The following CRISP1 variants were observed in gnomAD, a reference collection of about 807,000 sequenced individuals.
The protein encoded by CRISP1 is cysteine rich secretory protein 1.
A neutral mutation model predicts 33.1 loss-of-function variants in CRISP1; 44 were observed. The observed-to-expected ratio is 1.33, with a 90% confidence interval of 1.05 to 1.71. The LOEUF (loss-of-function observed/expected upper bound fraction) is 1.71, where lower values mean the gene tolerates loss of function less well. Among genes scored for constraint, CRISP1 ranks in the 40% most tolerant of loss-of-function variants. CRISP1 has a pLI of 0.00. For synonymous variants in CRISP1, 103 were observed against 98.7 expected (o/e 1.04, Z -0.26); for missense variants, 390 against 301.2 (o/e 1.29, Z -2.18).
At chr6:49,856,082 T>C (rs901321862) in intron 2 of CRISP1, among the ~76,000 whole-genome samples, 1 of 152,204 alleles carries the variant, frequency 6.6e-6, no homozygotes, top group African/African-American at 2.4e-5. Flanking sequence ...CTTTTTCTTT[T>C]GTATTCTTGG....
chr6:49,869,153 G>A (rs777106698), upstream of CRISP1, among the ~76,000 whole-genome samples: 74 of 152,138 alleles, frequency 4.9e-4, 1 homozygote, highest in Non-Finnish European at 9.4e-4. Flanking sequence ...AGCACATTTG[G>A]TTTATGGTGC....
chr6:49,848,686 A>G (rs1771260336), intron 3 of CRISP1, among the ~76,000 whole-genome samples: 2 of 152,318 alleles, frequency 1.3e-5, no homozygotes, highest in South Asian at 4.1e-4. Context: ...CCTGTAATTT[A>G]TGCCCAAAGG....
At chr6:49,856,030 C>A (rs1353301390) in intron 2 of CRISP1, among the ~76,000 whole-genome samples, 1 of 152,178 alleles carries the variant, frequency 6.6e-6, no homozygotes, top group East Asian at 1.9e-4. Flanking sequence ...TAATAATTCT[C>A]TGTTATAGAG....
chr6:49,862,526 T>C (rs1484268803), intron 1 of CRISP1, among the ~76,000 whole-genome samples: 1 of 152,108 alleles, frequency 6.6e-6, no homozygotes, highest in Non-Finnish European at 1.5e-5. Context: ...TAAATCTAGG[T>C]AAATTAATCC....
At chr6:49,850,901 C>T (rs1213684921) in intron 3 of CRISP1, among the ~76,000 whole-genome samples, 1 of 152,142 alleles carries the variant, frequency 6.6e-6, no homozygotes, top group Non-Finnish European at 1.5e-5. Flanking sequence ...ATCTGGCCCA[C>T]TTGCATTTTA....
rs750611875 is a variant in CRISP1 at position 49,846,700 on chromosome 6, TGAACAAATGG to T, written c.287-42_287-33del. Reference sequence around the variant, plus strand: ...TGAGAAAACGGGCTGGGTCATACTCTGAACAAATGGGAAATAGTATACAAGGAGACTTTCC... The same window carrying T: ...TGAGAAAACGGGCTGGGTCATACTCTGAAATAGTATACAAGGAGACTTTCC... On this transcript the variant is annotated intron_variant, in intron 4 of 7. Coordinates refer to ENST00000335847, the MANE Select transcript of CRISP1 (RefSeq NM_001131.3). The T allele has an allele frequency of 3.1e-6, 5 of 1,600,228 alleles. No individual in the cohort carries two copies. The South Asian group carries it at 4.5e-5, about 14-fold the overall frequency.
intron 1 of CRISP1, among the ~76,000 whole-genome samples, chr6:49,872,391 G>T (rs1267738258): frequency 1.3e-5 from 2 of 152,004 alleles, no homozygotes; most frequent in African/African-American, 4.8e-5. Context: ...CTGTGCAGAA[G>T]CTCTTTAGTT....
At position 49,857,391 on chromosome 6, in the gene CRISP1, T is replaced by A; in HGVS notation, c.10A>T (p.Lys4Ter). MEI[K>*]HLLFLVAAAC... ...GCAGCAACCAAAAACAAGAGGTGTT[T>A]AATTTCCATCCCTGAAAGAAAAATA... The change falls in exon 2 of 8, where the codon AAA becomes TAA. Residue 4 changes from lysine to a stop codon, truncating the protein, a stop_gained. Transcript: ENST00000335847. LOFTEE classifies it high-confidence loss of function. The A allele has an allele frequency of 6.2e-7, 1 of 1,612,730 alleles. No homozygotes were observed. Among genetic ancestry groups the A allele is most frequent in the Non-Finnish European group, 8.5e-7 (1 of 1,179,052 alleles).
chr6:49,872,170 A>T (rs1771938981), intron 1 of CRISP1, among the ~76,000 whole-genome samples: 1 of 152,040 alleles, frequency 6.6e-6, no homozygotes, highest in South Asian at 2.1e-4. Flanking sequence ...GCATTTTTTC[A>T]TGTGTCTTTG....
chr6:49,870,369 AGT>A (rs978901819), upstream of CRISP1, among the ~76,000 whole-genome samples: 4 of 152,148 alleles, frequency 2.6e-5, no homozygotes, highest in African/African-American at 9.7e-5. Flanking sequence ...TGGACAATAG[AGT>A]AACCAGTAGT....
At chr6:49,865,206 G>T (rs1771768752) in intron 1 of CRISP1, among the ~76,000 whole-genome samples, 1 of 152,102 alleles carries the variant, frequency 6.6e-6, no homozygotes, top group Admixed American at 6.6e-5. Flanking sequence ...ATAGTCATCT[G>T]ATTTATGACA....
At chr6:49,846,932 C>G (rs1771194398) in intron 4 of CRISP1, among the ~76,000 whole-genome samples, 1 of 152,102 alleles carries the variant, frequency 6.6e-6, no homozygotes, top group African/African-American at 2.4e-5. Flanking sequence ...CTGCTGCTTC[C>G]AAGCTGCTTT....
chr6:49,846,705 A>G, intron 4 of CRISP1, 37 bp from the exon 5 acceptor site: 1 of 1,595,996 alleles, frequency 6.3e-7, no homozygotes, highest in Non-Finnish European at 8.6e-7. Context: ...TACTCTGAAC[A>G]AATGGGAAAT....
At chr6:49,857,429 A>C in intron 1 of CRISP1, 27 bp from the exon 2 acceptor site, 1 of 1,583,990 alleles carries the variant, frequency 6.3e-7, no homozygotes, top group Non-Finnish European at 8.7e-7. Flanking sequence ...ACAATTTTAG[A>C]TTATTCTCAA....
At chr6:49,862,630 G>A (rs965738704) in intron 1 of CRISP1, among the ~76,000 whole-genome samples, 4 of 151,916 alleles carry the variant, frequency 2.6e-5, no homozygotes, top group Non-Finnish European at 5.9e-5. Flanking sequence ...GTATCACCTG[G>A]GATTATGGTT....
upstream of CRISP1, among the ~76,000 whole-genome samples, chr6:49,871,134 A>AG (rs1351128408): frequency 2.0e-5 from 3 of 150,890 alleles, no homozygotes; most frequent in Admixed American, 6.6e-5. Context: ...ACAAACAAAA[A>AG]AAAAACAAAG....
chr6:49,862,366 T>G (rs778220766), intron 1 of CRISP1, among the ~76,000 whole-genome samples: 33 of 150,620 alleles, frequency 2.2e-4, no homozygotes, highest in Middle Eastern at 3.5e-3. Context: ...TTAATTCTAA[T>G]AGAAGACTTC....
chr6:49,875,626 T>A (rs1418486620), intron 1 of CRISP1, among the ~76,000 whole-genome samples: 1 of 152,122 alleles, frequency 6.6e-6, no homozygotes, highest in Admixed American at 6.6e-5. Flanking sequence ...GCTGGAGGCA[T>A]CACTCTACCC....
intron 1 of CRISP1, among the ~76,000 whole-genome samples, chr6:49,860,409 A>C (rs1250199745): frequency 6.6e-6 from 1 of 152,214 alleles, no homozygotes; most frequent in Non-Finnish European, 1.5e-5. Flanking sequence ...AATTGAAATG[A>C]TGTCAAGTAT....
Sources: gnomAD v4.1 joint callset for allele counts (sites outside exome capture counted in the v4.1 genomes callset) on GRCh38, gnomAD v4.1.1 for gene constraint, MANE v1.5 for transcripts, NCBI Gene and HGNC (gene_info 2026-07-23, HGNC 2026-07-21) for gene names.